GRIK3: variants seen among roughly 807,000 people sequenced by gnomAD.
GRIK3 encodes the protein glutamate receptor ionotropic, kainate 3.
In GRIK3, 29 loss-of-function variants were observed where a neutral mutation model predicts 102.5. The observed-to-expected ratio is 0.28, with a 90% CI of 0.21 to 0.39. The LOEUF (loss-of-function observed/expected upper bound fraction) is 0.39, where lower values mean the gene tolerates loss of function less well. Ranked by LOEUF, GRIK3 falls within the 10% of genes least tolerant of loss-of-function variation. The pLI, the probability that GRIK3 is intolerant of heterozygous loss-of-function variation, is 1.00. For synonymous variants in GRIK3, 511 were observed against 504.9 expected, an observed-to-expected ratio of 1.01 and a Z score of -0.16; for missense variants, 908 against 1,252.4, an observed-to-expected ratio of 0.73 and a Z score of 4.15.
intron 3 of GRIK3, among the ~76,000 whole-genome samples, chr1:36,878,586 A>G (rs1284191454): frequency 2.0e-5 from 3 of 152,242 alleles, no homozygotes; most frequent in Non-Finnish European, 4.4e-5. Context: ...AGATGGGTTA[A>G]GTGACTTGCC....
At position 36,872,457 on chromosome 1, in the gene GRIK3, GC is replaced by G; in HGVS notation, c.551-89del. 9.3e-7 allele frequency: 1 copy of G among 1,074,012 alleles called. No individual in the cohort carries two copies. Among genetic ancestry groups the G allele is most frequent in the South Asian group, 1.6e-5 (1 of 61,810 alleles). The allele number at this position is 1,074,012 out of a possible 1,614,324, so 66.5% of individuals were successfully genotyped here. ...CACTTGGACTTGTGTGCACACACAT[GC>G]CCATGGCCACAGGTCTGCAGACATA... On this transcript the variant is annotated intron_variant, in intron 3 of 15. Transcript: ENST00000373091. This position sits in a 1 kb window ranked among gnomAD's most constrained non-coding sequence, Gnocchi z 5.9.
intron 5 of GRIK3, among the ~76,000 whole-genome samples, chr1:36,866,454 C>G (rs561802578): frequency 1.3e-5 from 2 of 152,188 alleles, no homozygotes; most frequent in Non-Finnish European, 2.9e-5. Flanking sequence ...TCAGTTTCCA[C>G]GTTTCTATAA....
chr1:36,856,285 A>G (rs1640650658), intron 7 of GRIK3, among the ~76,000 whole-genome samples: 2 of 152,196 alleles, frequency 1.3e-5, no homozygotes, highest in African/African-American at 4.8e-5. Flanking sequence ...TGTCAGCTAC[A>G]GAGGTATAAA....
At chr1:36,932,937 C>A (rs1641612051) in intron 1 of GRIK3, among the ~76,000 whole-genome samples, 1 of 152,168 alleles carries the variant, frequency 6.6e-6, no homozygotes, top group Admixed American at 6.5e-5. Context: ...TCATGGAGAA[C>A]CCCAAATCAC....
intron 1 of GRIK3, among the ~76,000 whole-genome samples, chr1:37,011,081 A>G (rs1423303416): frequency 6.6e-6 from 1 of 152,114 alleles, no homozygotes; most frequent in East Asian, 1.9e-4. Context: ...AGTGTCTTCC[A>G]TGTGCTTTCC....
intron 1 of GRIK3, among the ~76,000 whole-genome samples, chr1:36,958,212 T>C (rs1641948793): frequency 9.1e-6 from 1 of 110,232 alleles, no homozygotes; most frequent in African/African-American, 3.9e-5. Flanking sequence ...TGTGAGTCTG[T>C]GCCCCGTGAG....
rs957726572 is a variant in GRIK3, at chr1:36,933,230, C to A, written c.116-42134G>T. Among the ~76,000 whole-genome samples the A allele has an allele frequency of 2.0e-5, 3 of 152,262 alleles. No individual in the cohort carries two copies. The East Asian group carries it at 5.8e-4, about 30-fold the overall frequency. On this transcript the variant is annotated intron_variant, in intron 1 of 15. Transcript: ENST00000373091. ...TTCAGAGCCTTGATTCTGTGCCCCCCACCCCTGCCATTCCCCACCTCTCTG... is the reference window on the plus strand; with the variant it reads ...TTCAGAGCCTTGATTCTGTGCCCCCAACCCCTGCCATTCCCCACCTCTCTG...
chr1:36,858,283 C>T (rs949513763), intron 7 of GRIK3, among the ~76,000 whole-genome samples: 1 of 152,248 alleles, frequency 6.6e-6, no homozygotes, highest in Non-Finnish European at 1.5e-5. Context: ...CAGGCACTCA[C>T]TATATCATAC....
chr1:36,971,262 C>A (rs1642136732), intron 1 of GRIK3, among the ~76,000 whole-genome samples: 2 of 152,328 alleles, frequency 1.3e-5, no homozygotes, highest in South Asian at 4.1e-4. Flanking sequence ...AGCCACATGA[C>A]CAAGTCCAGG....
intron 1 of GRIK3, among the ~76,000 whole-genome samples, chr1:36,967,838 T>C (rs565891280): frequency 9.8e-5 from 15 of 152,342 alleles, no homozygotes; most frequent in African/African-American, 3.6e-4. Flanking sequence ...CATCCTGTTA[T>C]GATAATTGAG....
chr1:36,868,609 C>T (rs1461601016), intron 5 of GRIK3, among the ~76,000 whole-genome samples: 1 of 152,210 alleles, frequency 6.6e-6, no homozygotes, highest in African/African-American at 2.4e-5. Flanking sequence ...ACCAACATGA[C>T]ATGGACTTAG....
chr1:36,982,601 C>G (rs1002434532), intron 1 of GRIK3, among the ~76,000 whole-genome samples: 3 of 152,184 alleles, frequency 2.0e-5, no homozygotes, highest in African/African-American at 7.2e-5. Flanking sequence ...AGGGAAAAAT[C>G]CCATGGGTCT....
intron 1 of GRIK3, among the ~76,000 whole-genome samples, chr1:37,017,488 C>A (rs1482473394): frequency 6.6e-6 from 1 of 151,692 alleles, no homozygotes; most frequent in African/African-American, 2.4e-5. Context: ...CAACCACTAC[C>A]AGGCTTGACC....
At chr1:37,020,765 A>C (rs183632418) in intron 1 of GRIK3, among the ~76,000 whole-genome samples, 27 of 151,906 alleles carry the variant, frequency 1.8e-4, no homozygotes, top group African/African-American at 6.5e-4. Context: ...ATTTGAAAAA[A>C]AAGAATGCCT....
chr1:36,969,365 T>C (rs1009624282), intron 1 of GRIK3, among the ~76,000 whole-genome samples: 9 of 152,362 alleles, frequency 5.9e-5, no homozygotes, highest in Admixed American at 1.3e-4. Flanking sequence ...ATCTGCCACC[T>C]GGGAGCAGAG....
chr1:36,895,542 G>T (rs1011933744), intron 1 of GRIK3, among the ~76,000 whole-genome samples: 1 of 152,170 alleles, frequency 6.6e-6, no homozygotes, highest in African/African-American at 2.4e-5. Flanking sequence ...CAGCTGAGAA[G>T]TGGGTCTCTG....
intron 1 of GRIK3, among the ~76,000 whole-genome samples, chr1:37,015,751 C>T (rs1642646700): frequency 6.6e-6 from 1 of 152,184 alleles, no homozygotes; most frequent in African/African-American, 2.4e-5. Context: ...GAAAGCCTCC[C>T]ACGTTGCAGT....
chr1:36,964,988 C>G (rs1272645260), intron 1 of GRIK3, among the ~76,000 whole-genome samples: 1 of 152,196 alleles, frequency 6.6e-6, no homozygotes, highest in Admixed American at 6.5e-5. Flanking sequence ...GTTTGTTGAT[C>G]CTCTTAAGGT....
chr1:36,816,083 C>G (rs1327270000), intron 13 of GRIK3, among the ~76,000 whole-genome samples: 1 of 152,158 alleles, frequency 6.6e-6, no homozygotes, highest in Non-Finnish European at 1.5e-5. Flanking sequence ...TCCAGATGAT[C>G]TGAATGCACA....
Sources: gnomAD v4.1 joint callset for allele counts (sites outside exome capture counted in the v4.1 genomes callset) on GRCh38, gnomAD v4.1.1 for gene constraint, Gnocchi (gnomAD v3.1) non-coding constraint, MANE v1.5 for transcripts, NCBI Gene and HGNC (gene_info 2026-07-23, HGNC 2026-07-21) for gene names.